The following SPAG16 variants were observed in gnomAD, a reference collection of about 807,000 sequenced individuals.
SPAG16 encodes sperm-associated antigen 16 protein.
SPAG16 carries 86 observed loss-of-function variants against 80.4 expected under a neutral mutation model. That is an observed-to-expected ratio of 1.07 (90% confidence interval 0.90 to 1.28). SPAG16 has a LOEUF of 1.28. Among genes scored for constraint, SPAG16 ranks in the 50% most tolerant of loss-of-function variants. The pLI, the probability that SPAG16 is intolerant of heterozygous loss-of-function variation, is 0.00. For missense variants in SPAG16, 870 were observed against 765.3 expected (o/e 1.14, Z -1.61); for synonymous variants, 294 against 265.9 (o/e 1.11, Z -1.03).
intron 9 of SPAG16, among the ~76,000 whole-genome samples, chr2:213,406,615 G>GA (rs2068618751): frequency 6.6e-6 from 1 of 152,082 alleles, no homozygotes; most frequent in African/African-American, 2.4e-5. Flanking sequence ...ATATTATACA[G>GA]AAAAAAGTTC....
chr2:213,682,570 G>A (rs2064450138), intron 10 of SPAG16, among the ~76,000 whole-genome samples: 1 of 152,172 alleles, frequency 6.6e-6, no homozygotes, highest in Non-Finnish European at 1.5e-5. Flanking sequence ...TAAGCGTTTA[G>A]GAAGGGAGAG....
chr2:213,315,318 CCTCAGGT>C (rs2063353739), intron 4 of SPAG16, among the ~76,000 whole-genome samples: 2 of 151,872 alleles, frequency 1.3e-5, no homozygotes, highest in African/African-American at 4.8e-5. Flanking sequence ...CTGCCTCTGG[CCTCAGGT>C]ATTCTTCTCT....
At chr2:213,444,779 C>G (rs1173777276) in intron 9 of SPAG16, among the ~76,000 whole-genome samples, 1 of 151,688 alleles carries the variant, frequency 6.6e-6, no homozygotes, top group East Asian at 1.9e-4. Context: ...CCAGAATAGA[C>G]AGAATAATGC....
chr2:214,372,233 GT>G (rs765632477), intron 15 of SPAG16, among the ~76,000 whole-genome samples: 5 of 152,050 alleles, frequency 3.3e-5, no homozygotes, highest in Admixed American at 6.6e-5. Context: ...GCTGTATTAT[GT>G]TTCGTCTCTA....
At chr2:214,227,955 C>T (rs528299706) in intron 15 of SPAG16, among the ~76,000 whole-genome samples, 1 of 151,936 alleles carries the variant, frequency 6.6e-6, no homozygotes, top group East Asian at 1.9e-4. Flanking sequence ...AATATAAAAG[C>T]AGCTCCCTGA....
chr2:214,236,557 C>T (rs567885225), intron 15 of SPAG16, among the ~76,000 whole-genome samples: 1 of 151,680 alleles, frequency 6.6e-6, no homozygotes, highest in Admixed American at 6.6e-5. Flanking sequence ...GAGGCTGAGA[C>T]GTGAGAATAG....
intron 10 of SPAG16, among the ~76,000 whole-genome samples, chr2:213,831,333 C>A (rs1403965692): frequency 6.6e-6 from 1 of 151,808 alleles, no homozygotes. Context: ...CCACCACACC[C>A]GGCTGAACCA....
chr2:213,309,601 A>G (rs959540169), intron 3 of SPAG16, among the ~76,000 whole-genome samples: 3 of 152,012 alleles, frequency 2.0e-5, no homozygotes, highest in African/African-American at 7.2e-5. Flanking sequence ...GGGCCTTTGC[A>G]CTTGCTGATG....
At chr2:213,645,581 A>C (rs1288198867) in intron 10 of SPAG16, among the ~76,000 whole-genome samples, 3 of 152,008 alleles carry the variant, frequency 2.0e-5, no homozygotes, top group African/African-American at 7.3e-5. Context: ...GGACCTCAGG[A>C]CTCTGTTGCC....
Position 213,982,610 on chromosome 2 carries a change from GGTGT to G in SPAG16, c.1401-31305_1401-31302del, listed in dbSNP as rs57529616. 7.5e-3 allele frequency among the ~76,000 whole-genome samples: 1,059 copies of G among 141,914 alleles called. 9 individuals carry two copies. Among genetic ancestry groups the G allele is most frequent in the African/African-American group, 0.025 (964 of 38,554 alleles). 93.1% of individuals were successfully genotyped at this position (141,914 alleles called of 152,430 possible). A position where few individuals can be genotyped will look rare whatever the true frequency, so the allele number is the denominator to read the frequency against. ...AACTTGTTACCAAGGTATAGTTTCT[GGTGT>G]GTGTGTGTGTGTGTGTGTGTGTGTG... is the stretch of plus-strand genomic sequence containing the variant. On this transcript the variant is annotated intron_variant, in intron 12 of 15. Coordinates refer to ENST00000331683, the MANE Select transcript of SPAG16 (RefSeq NM_024532.5).
At position 213,641,435 on chromosome 2, in the gene SPAG16, A is replaced by G. The variant is rs372580260; in HGVS notation, c.1070+151345A>G. Among the ~76,000 whole-genome samples, 5 of 152,256 alleles carry G rather than the reference A, an allele frequency of 3.3e-5. No individual in the cohort carries two copies. In the East Asian group the frequency reaches 5.8e-4, roughly 18 times the overall value. ...TTCTGTGCTTATGTCTGCACTTTGCATTTGCTCCCCAGACTCTGCCCAGGA... is the reference window on the plus strand; with the variant it reads ...TTCTGTGCTTATGTCTGCACTTTGCGTTTGCTCCCCAGACTCTGCCCAGGA... On this transcript the variant is annotated intron_variant, in intron 10 of 15. Coordinates refer to ENST00000331683, the MANE Select transcript of SPAG16 (RefSeq NM_024532.5).
intron 15 of SPAG16, among the ~76,000 whole-genome samples, chr2:214,406,307 A>C (rs184137600): frequency 2.0e-5 from 3 of 151,516 alleles, no homozygotes; most frequent in Non-Finnish European, 4.4e-5. Flanking sequence ...ATTGATTGAA[A>C]AGTTTTAAAA....
chr2:213,512,722 A>G (rs942115552), intron 10 of SPAG16, among the ~76,000 whole-genome samples: 7 of 152,298 alleles, frequency 4.6e-5, no homozygotes, highest in African/African-American at 1.4e-4. Context: ...TTCCAAAATA[A>G]GTATCCCCCA....
chr2:214,087,100 G>A (rs944345273), intron 13 of SPAG16, among the ~76,000 whole-genome samples: 1 of 152,014 alleles, frequency 6.6e-6, no homozygotes, highest in Non-Finnish European at 1.5e-5. Flanking sequence ...TGATATATCA[G>A]AGCCTCAGGC....
intron 15 of SPAG16, among the ~76,000 whole-genome samples, chr2:214,213,994 T>C (rs1015210518): frequency 6.6e-6 from 1 of 152,192 alleles, no homozygotes; most frequent in African/African-American, 2.4e-5. Flanking sequence ...ACTCTATTTA[T>C]AGTGCCTTTT....
chr2:213,531,161 A>G (rs2076052544), intron 10 of SPAG16, among the ~76,000 whole-genome samples: 1 of 152,112 alleles, frequency 6.6e-6, no homozygotes, highest in Non-Finnish European at 1.5e-5. Context: ...CTTTACCTAT[A>G]TATGAAGTTT....
At chr2:213,317,409 A>G (rs1161484824) in intron 5 of SPAG16, 53 bp downstream of exon 5, 2 of 1,555,300 alleles carry the variant, frequency 1.3e-6, no homozygotes, top group African/African-American at 2.7e-5. Context: ...ACTAAATAAA[A>G]GAGTTGAGTG....
chr2:213,940,070 T>C (rs1050436618), intron 12 of SPAG16, among the ~76,000 whole-genome samples: 5 of 152,286 alleles, frequency 3.3e-5, no homozygotes, highest in Middle Eastern at 3.4e-3. Flanking sequence ...TTTATGGTAA[T>C]TACATAAATA....
chr2:213,584,412 G>C (rs972709010), intron 10 of SPAG16, among the ~76,000 whole-genome samples: 1 of 152,070 alleles, frequency 6.6e-6, no homozygotes, highest in Non-Finnish European at 1.5e-5. Context: ...AGAAAATTAA[G>C]TTTGGGGTTC....
Sources: gnomAD v4.1 joint callset for allele counts (sites outside exome capture counted in the v4.1 genomes callset) on GRCh38, gnomAD v4.1.1 for gene constraint, MANE v1.5 for transcripts, NCBI Gene and HGNC (gene_info 2026-07-23, HGNC 2026-07-21) for gene names.